Variants in TNFAIP6 observed in about 807,000 individuals in gnomAD.
TNFAIP6 encodes tumor necrosis factor-inducible gene 6 protein.
In TNFAIP6, 36 loss-of-function variants were observed where a neutral mutation model predicts 33.7. The ratio of observed to expected loss-of-function variants is 1.07; its 90% CI spans 0.82 to 1.41. TNFAIP6 has a LOEUF of 1.41. Among genes scored for constraint, TNFAIP6 ranks in the 40% most tolerant of loss-of-function variants. TNFAIP6 has a pLI of 0.00. For missense variants in TNFAIP6, 273 were observed against 331.9 expected (o/e 0.82, Z 1.38); for synonymous variants, 113 against 112.8 (o/e 1.00, Z -0.01).
chr2:151,362,260 G>A (rs558046421), intron 1 of TNFAIP6, among the ~76,000 whole-genome samples: 1 of 152,182 alleles, frequency 6.6e-6, no homozygotes, highest in South Asian at 2.1e-4. Context: ...TGATCTATTG[G>A]AAGACAACTC....
Position 151,379,835 on chromosome 2 carries a change from C to A in TNFAIP6, c.*302C>A. On this transcript the variant is annotated 3_prime_UTR_variant, in exon 6 of 6. Transcript: ENST00000243347. ...TATTTGCATTTGAAATTTTGGAATC[C>A]TGCTCTATGTACAGTTTTGTATTAT... is the stretch of plus-strand genomic sequence containing the variant. 1 of 170,678 alleles carries A rather than the reference C, an allele frequency of 5.9e-6. No individual in the cohort carries two copies. The highest frequency in any genetic ancestry group is 1.2e-5 in the Non-Finnish European group (1 of 80,996). The allele number at this position is 170,678 out of a possible 1,614,324, so 10.6% of individuals were successfully genotyped here.
chr2:151,363,931 C>G lies in TNFAIP6; in HGVS notation c.95-12C>G. 1.9e-6 allele frequency: 3 copies of G among 1,610,570 alleles called. No individual in the cohort carries two copies. Among genetic ancestry groups the G allele is most frequent in the Non-Finnish European group, 2.5e-6 (3 of 1,179,060 alleles). Reference sequence around the variant, plus strand: ...AACAACAGTGCTTTTATGACATCATCTGATTTTGCAGAACGAGCAGCCGGT... The same window carrying G: ...AACAACAGTGCTTTTATGACATCATGTGATTTTGCAGAACGAGCAGCCGGT... On this transcript the variant is annotated splice_polypyrimidine_tract_variant and intron_variant, in intron 1 of 5. Transcript: ENST00000243347.
At chr2:151,367,856 TA>T (rs530322212) in intron 3 of TNFAIP6, among the ~76,000 whole-genome samples, 1,533 of 142,826 alleles carry the variant, frequency 0.011, 25 homozygotes, top group African/African-American at 0.033. Flanking sequence ...ATCACTGGAA[TA>T]AAAAAAAAAA....
chr2:151,381,319 T>A (rs1435348172), downstream of TNFAIP6, among the ~76,000 whole-genome samples: 1 of 152,074 alleles, frequency 6.6e-6, no homozygotes, highest in Non-Finnish European at 1.5e-5. Context: ...AAAAAAATTT[T>A]AAATTAAAAA....
In TNFAIP6 at chr2:151,373,656, A is replaced by G. The variant is rs1206507282; in HGVS notation, c.664+67A>G. Reference sequence around the variant, plus strand: ...TTACAGTGTCCCTGAAAGTAAAGGGACACTGTTAAATAGTAAATAGTAGTT... The same window carrying G: ...TTACAGTGTCCCTGAAAGTAAAGGGGCACTGTTAAATAGTAAATAGTAGTT... On this transcript the variant is annotated intron_variant, in intron 5 of 5. Coordinates refer to ENST00000243347, the MANE Select transcript of TNFAIP6 (RefSeq NM_007115.4). 1.9e-5 allele frequency: 17 copies of G among 899,244 alleles called. No homozygotes were observed. In the East Asian group the frequency reaches 4.8e-4, roughly 25 times the overall value. The allele number at this position is 899,244 out of a possible 1,614,324, so 55.7% of individuals were successfully genotyped here.
At chr2:151,358,066 A>G (rs1684565540) in intron 1 of TNFAIP6, among the ~76,000 whole-genome samples, 1 of 152,206 alleles carries the variant, frequency 6.6e-6, no homozygotes, top group Admixed American at 6.5e-5. Context: ...AGTGAGGAGT[A>G]TTTCTTTAAC....
At chr2:151,363,637 G>A (rs1339075731) in intron 1 of TNFAIP6, among the ~76,000 whole-genome samples, 1 of 152,128 alleles carries the variant, frequency 6.6e-6, no homozygotes, top group East Asian at 1.9e-4. Flanking sequence ...ACTCCAGCCT[G>A]GGAGACAGAG....
At chr2:151,378,446 A>C (rs1007717658) in intron 5 of TNFAIP6, among the ~76,000 whole-genome samples, 1 of 151,364 alleles carries the variant, frequency 6.6e-6, no homozygotes, top group East Asian at 2.0e-4. Context: ...CTGCCCTGCC[A>C]TTCTCCTGTA....
At chr2:151,365,660 T>C (rs1684696973) in intron 2 of TNFAIP6, among the ~76,000 whole-genome samples, 1 of 152,000 alleles carries the variant, frequency 6.6e-6, no homozygotes, top group African/African-American at 2.4e-5. Context: ...AAATAAGATA[T>C]TACAAATATC....
chr2:151,368,236 G>A (rs1684750451), intron 3 of TNFAIP6: 1 of 153,776 alleles, frequency 6.5e-6, no homozygotes, highest in Admixed American at 6.6e-5. Flanking sequence ...CTGTGTGATA[G>A]ATAATGGGAA....
chr2:151,370,281 G>A lies in TNFAIP6; in HGVS notation c.623+33G>A, dbSNP rs774552963. On this transcript the variant is annotated intron_variant, in intron 4 of 5. Coordinates refer to ENST00000243347, the MANE Select transcript of TNFAIP6 (RefSeq NM_007115.4). ...TGGGTCCCCATACAGGAAGTTAAAT[G>A]AACGTCCAGTATTTTGTTTGATGCT... 12 of 1,491,552 alleles carry A rather than the reference G, an allele frequency of 8.0e-6. No individual in the cohort carries two copies. The South Asian group carries it at 1.4e-4, about 17-fold the overall frequency. The allele number at this position is 1,491,552 out of a possible 1,614,324, so 92.4% of individuals were successfully genotyped here.
At chr2:151,369,951 C>A (rs1684785447) in intron 3 of TNFAIP6, 69 bp from the exon 4 acceptor site, 1 of 1,210,092 alleles carries the variant, frequency 8.3e-7, no homozygotes, top group Admixed American at 2.1e-5. Flanking sequence ...TAAGAAATGT[C>A]ATTTTTAACA....
At chr2:151,368,535 TTA>T (rs1221011970) in intron 3 of TNFAIP6, 1 of 151,840 alleles carries the variant, frequency 6.6e-6, no homozygotes. Context: ...TTGTTTTGTT[TTA>T]TATGTGTTTG....
At chr2:151,360,461 G>A (rs1395040328) in intron 1 of TNFAIP6, among the ~76,000 whole-genome samples, 2 of 152,052 alleles carry the variant, frequency 1.3e-5, no homozygotes, top group Admixed American at 6.5e-5. Flanking sequence ...TTCTACTGCC[G>A]CCACTCACTA....
At chr2:151,363,182 G>C (rs890753129) in intron 1 of TNFAIP6, among the ~76,000 whole-genome samples, 1 of 151,988 alleles carries the variant, frequency 6.6e-6, no homozygotes, top group Non-Finnish European at 1.5e-5. Context: ...TGATTGTGGT[G>C]GCACATGCCT....
downstream of TNFAIP6, among the ~76,000 whole-genome samples, chr2:151,381,224 CA>C (rs1685005488): frequency 6.6e-6 from 1 of 152,136 alleles, no homozygotes; most frequent in South Asian, 2.1e-4. Flanking sequence ...GTAATCCCAT[CA>C]CTTTGGAAGG....
chr2:151,368,976 A>C (rs576289998), intron 3 of TNFAIP6, among the ~76,000 whole-genome samples: 1 of 152,188 alleles, frequency 6.6e-6, no homozygotes. Context: ...GTCGATCACC[A>C]GAGGTCAGGA....
At chr2:151,359,459 G>A (rs990155653) in intron 1 of TNFAIP6, among the ~76,000 whole-genome samples, 35 of 149,700 alleles carry the variant, frequency 2.3e-4, no homozygotes, top group African/African-American at 8.4e-4. Flanking sequence ...CACCATCTCG[G>A]CTCACTCCAA....
At chr2:151,361,063 GT>G in intron 1 of TNFAIP6, among the ~76,000 whole-genome samples, 1 of 151,816 alleles carries the variant, frequency 6.6e-6, no homozygotes, top group South Asian at 2.1e-4. Flanking sequence ...TAATTTTTTT[GT>G]TTTGTTTTGG....
Sources: allele counts gnomAD v4.1 joint callset (sites outside exome capture counted in the v4.1 genomes callset), GRCh38; gene constraint gnomAD v4.1.1; transcripts MANE v1.5; gene names NCBI Gene and HGNC (gene_info 2026-07-23, HGNC 2026-07-21).